SMAD9: variants seen among roughly 807,000 people sequenced by gnomAD.
The protein encoded by SMAD9 is SMAD family member 9.
In SMAD9, 36 loss-of-function variants were observed where a neutral mutation model predicts 46.1. That is an observed-to-expected ratio of 0.78 (90% CI 0.60 to 1.03). The LOEUF (loss-of-function observed/expected upper bound fraction) is 1.03. Among genes scored for constraint, SMAD9 ranks in the 50% least tolerant of loss-of-function variants. The pLI is 0.00. For missense variants in SMAD9, 572 were observed against 599.8 expected (o/e 0.95, Z 0.48); for synonymous variants, 245 against 237.1 (o/e 1.03, Z -0.31).
chr13:36,911,950 C>A (rs182823352), intron 1 of SMAD9, among the ~76,000 whole-genome samples: 4 of 152,128 alleles, frequency 2.6e-5, no homozygotes, highest in African/African-American at 9.7e-5. Context: ...TCAGGTTATC[C>A]GCCCACCTCA....
chr13:36,887,006 T>C (rs538282590), intron 1 of SMAD9, among the ~76,000 whole-genome samples: 10 of 151,298 alleles, frequency 6.6e-5, no homozygotes, highest in South Asian at 2.1e-4. Context: ...GAAAATGGGT[T>C]TTATCTAAAG....
chr13:36,919,453 C>T (rs1474896212), intron 1 of SMAD9, among the ~76,000 whole-genome samples: 1 of 152,146 alleles, frequency 6.6e-6, no homozygotes, highest in African/African-American at 2.4e-5. Context: ...CAACAACATT[C>T]CTAACTTTTT....
intron 1 of SMAD9, among the ~76,000 whole-genome samples, chr13:36,901,154 T>TA (rs989155410): frequency 5.8e-4 from 88 of 152,198 alleles, no homozygotes; most frequent in African/African-American, 2.1e-3. Context: ...AAGTATCTGT[T>TA]TGAGTAGCTG....
chr13:36,853,963 A>G (rs1048655390), intron 5 of SMAD9, among the ~76,000 whole-genome samples: 2 of 152,114 alleles, frequency 1.3e-5, no homozygotes, highest in African/African-American at 2.4e-5. Context: ...GTTCAAGACT[A>G]GCCTGGCCAA....
intron 3 of SMAD9, 116 bp from the exon 4 acceptor site, chr13:36,867,499 C>G (rs1054682927): frequency 1.6e-6 from 1 of 609,090 alleles, no homozygotes; most frequent in Non-Finnish European, 2.9e-6. Flanking sequence ...GCTACTCCTA[C>G]AGAGAGACCA....
chr13:36,853,862 T>G (rs1191319146), intron 5 of SMAD9, among the ~76,000 whole-genome samples, 187 bp from the exon 6 acceptor site: 2 of 152,096 alleles, frequency 1.3e-5, no homozygotes, highest in African/African-American at 2.4e-5. Flanking sequence ...ACAAATCCAT[T>G]TAAAAGTGGA....
chr13:36,895,442 A>T lies in SMAD9; in HGVS notation c.-186-15567T>A, dbSNP rs529548051. 1.1e-4 allele frequency among the ~76,000 whole-genome samples: 17 copies of T among 152,306 alleles called. No homozygotes were observed. In the South Asian group the frequency reaches 3.5e-3, roughly 32 times the overall value. ...TCCTGTGCGTTACAGGGTGTTTAGC[A>T]GCATCCTTGGCCTCCACCTATAGAT... On this transcript the variant is annotated intron_variant, in intron 1 of 6. Transcript: ENST00000379826.
chr13:36,910,947 G>A (rs556101947), intron 1 of SMAD9, among the ~76,000 whole-genome samples: 5 of 152,270 alleles, frequency 3.3e-5, no homozygotes, highest in African/African-American at 9.6e-5. Context: ...ATCAATAAAT[G>A]TTGAATGAAT....
intron 2 of SMAD9, among the ~76,000 whole-genome samples, chr13:36,874,725 C>T (rs1490559637): frequency 6.6e-6 from 1 of 151,432 alleles, no homozygotes; most frequent in African/African-American, 2.4e-5. Context: ...GGCGTGGTTG[C>T]GGGTGCCTGT....
At chr13:36,852,697 T>C (rs1454429731) in intron 6 of SMAD9, among the ~76,000 whole-genome samples, 1 of 152,232 alleles carries the variant, frequency 6.6e-6, no homozygotes, top group Non-Finnish European at 1.5e-5. Context: ...ATAAATATTA[T>C]CTCCTCCATG....
At chr13:36,876,722 T>G (rs1189655360) in intron 2 of SMAD9, among the ~76,000 whole-genome samples, 1 of 152,188 alleles carries the variant, frequency 6.6e-6, no homozygotes, top group Non-Finnish European at 1.5e-5. Flanking sequence ...AAAATGGGAA[T>G]GCAGCCTTCA....
chr13:36,870,712 T>C (rs567683481), intron 3 of SMAD9, among the ~76,000 whole-genome samples: 2 of 126,768 alleles, frequency 1.6e-5, no homozygotes, highest in East Asian at 1.9e-4. Context: ...ATGTTTTTTT[T>C]CCTATACATA....
rs1024886685 is a variant in SMAD9, at chr13:36,902,053, T to C, written c.-187+18063A>G. ...ATGTTTCTGGTATCCTAAGAATCTA[T>C]TGCCAAATTCAAGGTTATAAATATT... On this transcript the variant is annotated intron_variant, in intron 1 of 6. Transcript: ENST00000379826. Among the ~76,000 whole-genome samples, 29 of 152,358 alleles carry C rather than the reference T, an allele frequency of 1.9e-4. No individual in the cohort carries two copies. In the South Asian group the frequency reaches 2.7e-3, roughly 14 times the overall value.
intron 2 of SMAD9, among the ~76,000 whole-genome samples, chr13:36,873,116 T>C (rs954264586): frequency 2.0e-5 from 3 of 152,180 alleles, no homozygotes; most frequent in African/African-American, 7.2e-5. Context: ...AGCATGTGAG[T>C]AAGCTAAGGT....
intron 3 of SMAD9, among the ~76,000 whole-genome samples, chr13:36,871,817 C>T (rs2058298261): frequency 6.6e-6 from 1 of 152,112 alleles, no homozygotes; most frequent in Admixed American, 6.5e-5. Context: ...CTTTTAATTC[C>T]CCTTTCAGCA....
At chr13:36,869,017 G>A (rs1319646084) in intron 3 of SMAD9, among the ~76,000 whole-genome samples, 1 of 151,874 alleles carries the variant, frequency 6.6e-6, no homozygotes, top group Admixed American at 6.6e-5. Flanking sequence ...TACACAAAGG[G>A]GCAAATATTG....
chr13:36,915,836 C>G (rs2058694645), intron 1 of SMAD9, among the ~76,000 whole-genome samples: 1 of 152,080 alleles, frequency 6.6e-6, no homozygotes, highest in Non-Finnish European at 1.5e-5. Context: ...TATTGGGAGT[C>G]GTTTTGATTC....
Position 36,879,796 on chromosome 13 carries a change from T to A in SMAD9, c.-107A>T. 1 of 1,268,432 alleles carries A rather than the reference T, an allele frequency of 7.9e-7. No homozygotes were observed. The highest frequency in any genetic ancestry group is 1.1e-6 in the Non-Finnish European group (1 of 887,952). The allele number at this position is 1,268,432 out of a possible 1,614,324, so 78.6% of individuals were successfully genotyped here. A position where few individuals can be genotyped will look rare whatever the true frequency, so the allele number is the denominator to read the frequency against. On this transcript the variant is annotated 5_prime_UTR_variant, in exon 2 of 7. Coordinates refer to ENST00000379826, the MANE Select transcript of SMAD9 (RefSeq NM_001127217.3). ...GTGGCATAGGGACCAACCCGCCCGT[T>A]CTTCTGGGAGCAGCTGGGACCAATT...
intron 4 of SMAD9, 30 bp from the exon 5 acceptor site, chr13:36,865,788 GC>G: frequency 1.3e-6 from 2 of 1,550,132 alleles, no homozygotes; most frequent in Non-Finnish European, 1.8e-6. Context: ...AGAACACATG[GC>G]TACTGTCATA....
Sources: gnomAD v4.1 joint callset for allele counts (sites outside exome capture counted in the v4.1 genomes callset) on GRCh38, gnomAD v4.1.1 for gene constraint, MANE v1.5 for transcripts, NCBI Gene and HGNC (gene_info 2026-07-23, HGNC 2026-07-21) for gene names.